The following NKAIN2 variants were observed in gnomAD, a reference collection of about 807,000 sequenced individuals.
NKAIN2 encodes sodium/potassium-transporting ATPase subunit beta-1-interacting protein 2.
NKAIN2 carries 14 observed loss-of-function variants against 32.6 expected under a neutral mutation model. The observed-to-expected ratio is 0.43, with a 90% CI of 0.28 to 0.67. The LOEUF (loss-of-function observed/expected upper bound fraction) is 0.67. NKAIN2 is among the 30% of genes least tolerant of loss of function. The pLI, the probability that NKAIN2 is intolerant of heterozygous loss-of-function variation, is 0.17. For missense variants in NKAIN2, 198 were observed against 258.3 expected (o/e 0.77, Z 1.60); for synonymous variants, 80 against 87.2 (o/e 0.92, Z 0.46).
chr6:124,735,806 G>A (rs1776908943), intron 4 of NKAIN2, among the ~76,000 whole-genome samples: 1 of 151,740 alleles, frequency 6.6e-6, no homozygotes, highest in Admixed American at 6.6e-5. Flanking sequence ...AATGTTATAT[G>A]TGTTCTGACT....
intron 1 of NKAIN2, among the ~76,000 whole-genome samples, chr6:123,945,470 A>G (rs1359870614): frequency 2.0e-5 from 3 of 152,120 alleles, no homozygotes; most frequent in South Asian, 2.1e-4. Flanking sequence ...TCCAGGCTGC[A>G]TTGCCCTCTA....
At chr6:124,611,713 G>A (rs1256769569) in intron 3 of NKAIN2, among the ~76,000 whole-genome samples, 2 of 152,132 alleles carry the variant, frequency 1.3e-5, no homozygotes, top group African/African-American at 4.8e-5. Context: ...TACTGTGTGT[G>A]TGTGTTTGTG....
At chr6:124,739,036 A>G (rs1416238853) in intron 4 of NKAIN2, among the ~76,000 whole-genome samples, 2 of 151,876 alleles carry the variant, frequency 1.3e-5, no homozygotes, top group East Asian at 1.9e-4. Context: ...GATAATGCAT[A>G]TAACTACCAT....
At chr6:123,876,707 C>T (rs568297926) in intron 1 of NKAIN2, among the ~76,000 whole-genome samples, 2 of 152,288 alleles carry the variant, frequency 1.3e-5, no homozygotes, top group East Asian at 3.9e-4. Context: ...GAACCTTCTC[C>T]CTTTTTATTC....
intron 3 of NKAIN2, among the ~76,000 whole-genome samples, chr6:124,439,356 TTG>T (rs1436534406): frequency 5.3e-5 from 7 of 133,122 alleles, no homozygotes; most frequent in Admixed American, 2.1e-4. Flanking sequence ...TATCCACTTG[TTG>T]TTTTTTTTTT....
At chr6:124,019,561 A>G (rs766442112) in intron 1 of NKAIN2, among the ~76,000 whole-genome samples, 14 of 152,184 alleles carry the variant, frequency 9.2e-5, no homozygotes, top group Non-Finnish European at 1.8e-4. Flanking sequence ...TTGCCAGAGT[A>G]GTAAGCTCTT....
intron 3 of NKAIN2, among the ~76,000 whole-genome samples, chr6:124,465,733 G>A (rs1776727181): frequency 6.6e-6 from 1 of 151,340 alleles, no homozygotes; most frequent in Non-Finnish European, 1.5e-5. Context: ...TTTCTAAATT[G>A]TTAGAATGCT....
At chr6:124,733,152 G>C (rs1299305920) in intron 4 of NKAIN2, among the ~76,000 whole-genome samples, 1 of 151,938 alleles carries the variant, frequency 6.6e-6, no homozygotes, top group Non-Finnish European at 1.5e-5. Context: ...TATCAGGAGT[G>C]AGGGGTGAGG....
chr6:124,461,706 T>C (rs1776538137), intron 3 of NKAIN2, among the ~76,000 whole-genome samples: 1 of 151,798 alleles, frequency 6.6e-6, no homozygotes, highest in Admixed American at 6.6e-5. Flanking sequence ...TCAACAATAG[T>C]TAATTGGCTA....
chr6:124,670,174 A>G (rs1238989662), intron 4 of NKAIN2, among the ~76,000 whole-genome samples: 1 of 152,096 alleles, frequency 6.6e-6, no homozygotes, highest in Non-Finnish European at 1.5e-5. Context: ...CTAGAAGCCA[A>G]TATTTTTCCA....
intron 3 of NKAIN2, among the ~76,000 whole-genome samples, chr6:124,396,794 A>G (rs1773403008): frequency 6.6e-6 from 1 of 152,218 alleles, no homozygotes; most frequent in Non-Finnish European, 1.5e-5. Context: ...CTTCTGATGC[A>G]TCAAAGATAG....
intron 1 of NKAIN2, among the ~76,000 whole-genome samples, chr6:124,253,922 A>T (rs1277822472): frequency 6.7e-6 from 1 of 148,568 alleles, no homozygotes; most frequent in Non-Finnish European, 1.5e-5. Context: ...GGTTCAAGTG[A>T]CTCTTCTGCC....
chr6:124,560,750 T>C (rs1170872761), intron 3 of NKAIN2, among the ~76,000 whole-genome samples: 2 of 152,240 alleles, frequency 1.3e-5, no homozygotes, highest in Non-Finnish European at 2.9e-5. Context: ...TAGCGAGTTT[T>C]GTTGCTTACC....
At chr6:123,931,487 T>A (rs912508039) in intron 1 of NKAIN2, among the ~76,000 whole-genome samples, 1 of 152,198 alleles carries the variant, frequency 6.6e-6, no homozygotes, top group Non-Finnish European at 1.5e-5. Flanking sequence ...ACAGTGGAAC[T>A]GTAAGTATAT....
intron 2 of NKAIN2, among the ~76,000 whole-genome samples, chr6:124,323,777 A>ATTTTCTTTTT (rs1237658485): frequency 1.6e-4 from 19 of 115,498 alleles, no homozygotes; most frequent in East Asian, 7.2e-4. Flanking sequence ...AATTCTTTTA[A>ATTTTCTTTTT]TTTTTTCTTT....
chr6:124,148,926 A>G (rs968298440), intron 1 of NKAIN2, among the ~76,000 whole-genome samples: 7 of 152,192 alleles, frequency 4.6e-5, no homozygotes, highest in African/African-American at 1.7e-4. Flanking sequence ...CACCAACAGC[A>G]TTGAGAGTAA....
intron 1 of NKAIN2, among the ~76,000 whole-genome samples, chr6:124,033,352 T>C (rs1401938386): frequency 1.3e-5 from 2 of 152,088 alleles, no homozygotes; most frequent in African/African-American, 4.8e-5. Context: ...TAAAAGATCA[T>C]TTTGCCCTCT....
chr6:124,175,484 A>G (rs1789109550), intron 1 of NKAIN2, among the ~76,000 whole-genome samples: 1 of 152,222 alleles, frequency 6.6e-6, no homozygotes, highest in African/African-American at 2.4e-5. Context: ...CTTAAAATAT[A>G]TGATGTGAGT....
At chr6:123,907,859 C>G (rs1774967293) in intron 1 of NKAIN2, among the ~76,000 whole-genome samples, 1 of 152,140 alleles carries the variant, frequency 6.6e-6, no homozygotes, top group Non-Finnish European at 1.5e-5. Context: ...TACAACACAG[C>G]TACATATGTT....
Sources: gnomAD v4.1 joint callset for allele counts (sites outside exome capture counted in the v4.1 genomes callset) on GRCh38, gnomAD v4.1.1 for gene constraint, MANE v1.5 for transcripts, NCBI Gene and HGNC (gene_info 2026-07-23, HGNC 2026-07-21) for gene names.